The following PLA2G4D variants were observed in gnomAD, a reference collection of about 807,000 sequenced individuals.
PLA2G4D encodes phospholipase A2 group IVD, also known as cytosolic phospholipase A2 delta.
PLA2G4D carries 80 observed loss-of-function variants against 94.4 expected under a neutral mutation model. The ratio of observed to expected loss-of-function variants is 0.85; its 90% CI spans 0.71 to 1.02. The LOEUF is 1.02. PLA2G4D is among the 50% of genes least tolerant of loss of function. PLA2G4D has a pLI of 0.00. For synonymous variants in PLA2G4D, 438 were observed against 440.9 expected, an observed-to-expected ratio of 0.99 and a Z score of 0.08; for missense variants, 1,050 against 1,034.7, an observed-to-expected ratio of 1.01 and a Z score of -0.20.
Position 42,069,971 on chromosome 15 carries a change from TCGGG to T in PLA2G4D, c.2164_2167del (p.Pro722ArgfsTer49). 6.8e-7 allele frequency: 1 copy of T among 1,471,212 alleles called. No individual in the cohort carries two copies. Among genetic ancestry groups the T allele is most frequent in the Non-Finnish European group, 9.0e-7 (1 of 1,114,838 alleles). 91.1% of individuals were successfully genotyped at this position (1,471,212 alleles called of 1,614,324 possible). On this transcript the variant is annotated frameshift_variant, in exon 19 of 20. Coordinates refer to ENST00000290472, the MANE Select transcript of PLA2G4D (RefSeq NM_178034.4). LOFTEE classifies it high-confidence loss of function. ...CGGGAAGTGCAGCAGGATCGGGGCC[TCGGG>T]GCAGGCGGGGTCTGAGAAGAGGTGG...
chr15:42,090,878 C>A (rs935833433), intron 1 of PLA2G4D, among the ~76,000 whole-genome samples: 7 of 151,992 alleles, frequency 4.6e-5, no homozygotes, highest in Non-Finnish European at 1.0e-4. Context: ...AAAACACGTG[C>A]CCAGTAACAG....
At position 42,067,218 on chromosome 15, in the gene PLA2G4D, G is replaced by A. The variant is rs1889703041; in HGVS notation, c.*1497C>T. 6.6e-6 allele frequency: 1 copy of A among 152,266 alleles called. No homozygotes were observed. The highest frequency in any genetic ancestry group is 1.5e-5 in the Non-Finnish European group (1 of 68,050). 9.4% of individuals were successfully genotyped at this position (152,266 alleles called of 1,614,324 possible). A position where few individuals can be genotyped will look rare whatever the true frequency, so the allele number is the denominator to read the frequency against. On this transcript the variant is annotated 3_prime_UTR_variant, in exon 20 of 20. Transcript: ENST00000290472. ...TGTGTGTGTGTGTGTATGTGTACAC[G>A]CACCCTTGCATGAGGGAGGTAAGAA...
chr15:42,086,194 T>TGGGGGGGCCC lies in PLA2G4D; in HGVS notation c.387+18_387+19insGGGCCCCCCC. ...GGAAGAAGTGGGGCCCACGGGGACT[T>TGGGGGGGCCC]CCCCACCCACCCACCCACCTGGGGA... On this transcript the variant is annotated intron_variant, in intron 4 of 19. Transcript: ENST00000290472. 1.5e-5 allele frequency: 21 copies of TGGGGGGGCCC among 1,370,434 alleles called. No individual in the cohort carries two copies. Among genetic ancestry groups the TGGGGGGGCCC allele is most frequent in the African/African-American group, 3.1e-5 (2 of 64,356 alleles). The allele number at this position is 1,370,434 out of a possible 1,614,324, so 84.9% of individuals were successfully genotyped here.
intron 13 of PLA2G4D, among the ~76,000 whole-genome samples, chr15:42,075,200 A>T (rs182335839): frequency 9.2e-5 from 14 of 152,368 alleles, no homozygotes; most frequent in Admixed American, 3.3e-4. Context: ...GTGAACAATT[A>T]AAAAATGTCT....
rs1408626551 is a variant in PLA2G4D, at chr15:42,079,556, T to G, written c.1298A>C (p.Glu433Ala). 20 of 1,606,856 alleles carry G rather than the reference T, an allele frequency of 1.2e-5. No homozygotes were observed. The highest frequency in any genetic ancestry group is 1.7e-5 in the Non-Finnish European group (20 of 1,178,616). The change falls in exon 13 of 20, where the codon GAG (glutamate) becomes GCG (alanine). Residue 433 changes from glutamate to alanine, a missense_variant. Coordinates refer to ENST00000290472, the MANE Select transcript of PLA2G4D (RefSeq NM_178034.4). ...CCCTACCTGGCCGTGCAGCATGGAC[T>G]CCAGCACTAGCGCCCACAGGTCCAC... ...TFVDLWALVL[E>A]SMLHGQVMDQ...
Position 42,076,682 on chromosome 15 carries a change from C to T in PLA2G4D, c.1317+2855G>A, listed in dbSNP as rs540547707. Among the ~76,000 whole-genome samples, 25 of 152,264 alleles carry T rather than the reference C, an allele frequency of 1.6e-4. No individual in the cohort carries two copies. In the South Asian group the frequency reaches 4.6e-3, roughly 28 times the overall value. The stretch of plus-strand genomic sequence containing the variant: ...TATGATAAATGTTCCTTTCACACCC[C>T]ATAGTTAAACAAAACTTTAAAAGTC... On this transcript the variant is annotated intron_variant, in intron 13 of 19. Coordinates refer to ENST00000290472, the MANE Select transcript of PLA2G4D (RefSeq NM_178034.4).
chr15:42,069,872 G>A (rs1335849393), intron 19 of PLA2G4D, 37 bp downstream of exon 19: 3 of 1,376,816 alleles, frequency 2.2e-6, no homozygotes, highest in Non-Finnish European at 2.8e-6. Context: ...CCTCTGAGGG[G>A]CCAGGCAGCC....
In PLA2G4D at chr15:42,086,223, T is replaced by C; in HGVS notation, c.377A>G (p.Gln126Arg). ...CACCCACCCACCCACCTGGGGACTC[T>C]GGGAGAAGGTTTTCCGGAGCAGCTT... Reference protein sequence around the residue: ...PGKLLRKTFSQSPQGEEELDV... With the variant: ...PGKLLRKTFSRSPQGEEELDV... Residue 126 changes from glutamine (Q) to arginine (R), a missense_variant, in exon 4 of 20, where the codon CAG becomes CGG. Transcript: ENST00000290472. The C allele has an allele frequency of 1.2e-6, 1 of 833,828 alleles. No individual in the cohort carries two copies. The highest frequency in any genetic ancestry group is 1.7e-6 in the Non-Finnish European group (1 of 575,738). 51.7% of individuals were successfully genotyped at this position (833,828 alleles called of 1,614,324 possible).
rs999909538 is a variant in PLA2G4D, at chr15:42,079,692, C to T, written c.1162G>A (p.Ala388Thr). The T allele has an allele frequency of 1.2e-6, 2 of 1,612,418 alleles. No individual in the cohort carries two copies. The highest frequency in any genetic ancestry group is 2.7e-5 in the African/African-American group (2 of 74,778). Reference sequence around the variant, plus strand: ...TTGCTCTTGGCCAGGTGCTCCCGGGCGTATCTGATAGGTCCCTCCAGGTCC... The same window carrying T: ...TTGCTCTTGGCCAGGTGCTCCCGGGTGTATCTGATAGGTCCCTCCAGGTCC... ...QRDLEGPIRYAREHLAKSKLE... is the reference protein window; with the variant it reads ...QRDLEGPIRYTREHLAKSKLE... Residue 388 changes from alanine to threonine, a missense_variant, in exon 13 of 20, where the codon GCC becomes ACC. Transcript: ENST00000290472.
At chr15:42,090,100 T>C (rs943817731) in intron 1 of PLA2G4D, among the ~76,000 whole-genome samples, 21 of 152,222 alleles carry the variant, frequency 1.4e-4, no homozygotes, top group African/African-American at 5.1e-4. Context: ...AGCCAGGTTG[T>C]CTGGATTTAA....
At chr15:42,076,127 TCAGGAAGAGTC>T (rs913374065) in intron 13 of PLA2G4D, among the ~76,000 whole-genome samples, 252 of 152,178 alleles carry the variant, frequency 1.7e-3, no homozygotes, top group African/African-American at 5.9e-3. Context: ...AATAGGGCAC[TCAGGAAGAGTC>T]ACAGGAATAT....
At chr15:42,083,356 T>C (rs905613490) in intron 7 of PLA2G4D, 22 bp from the exon 8 acceptor site, 2 of 1,604,812 alleles carry the variant, frequency 1.2e-6, no homozygotes, top group Non-Finnish European at 1.7e-6. Context: ...GTAGGCGGGT[T>C]AGCATGAGAA....
At position 42,081,140 on chromosome 15, in the gene PLA2G4D, C is replaced by G. The variant is rs1477378356; in HGVS notation, c.958-7G>C. The G allele has an allele frequency of 6.2e-7, 1 of 1,612,000 alleles. No individual in the cohort carries two copies. ...TGATGCCCACAACGGGTACCTGGACCACACACAGACAGGCTGGATTAACAA... is the reference window on the plus strand; with the variant it reads ...TGATGCCCACAACGGGTACCTGGACGACACACAGACAGGCTGGATTAACAA... On this transcript the variant is annotated splice_region_variant and splice_polypyrimidine_tract_variant and intron_variant, in intron 11 of 19. Transcript: ENST00000290472.
Position 42,070,807 on chromosome 15 carries a change from G to T in PLA2G4D, c.1953C>A (p.Phe651Leu), listed in dbSNP as rs1025001317. The change falls in exon 18 of 20, where the codon TTC becomes TTA. Residue 651 changes from phenylalanine to leucine, a missense_variant. Coordinates refer to ENST00000290472, the MANE Select transcript of PLA2G4D (RefSeq NM_178034.4). The part of the protein sequence containing the change: ...PRLCLVDAAY[F>L]INTSSPSMFR... The stretch of plus-strand genomic sequence containing the variant: ...ACATGGAGGGAGAGCTGGTGTTGAT[G>T]AAGTAGGCGGCGTCCACCAGGCAGA... 1 of 1,608,750 alleles carries T rather than the reference G, an allele frequency of 6.2e-7. No homozygotes were observed. Among genetic ancestry groups the T allele is most frequent in the East Asian group, 2.2e-5 (1 of 44,762 alleles).
intron 5 of PLA2G4D, 108 bp from the exon 6 acceptor site, chr15:42,085,246 T>C: frequency 7.5e-7 from 1 of 1,339,336 alleles, no homozygotes; most frequent in Non-Finnish European, 1.1e-6. Context: ...AGTCCTGGAT[T>C]CGGTTCAGGG....
At chr15:42,077,268 G>C (rs749293505) in intron 13 of PLA2G4D, among the ~76,000 whole-genome samples, 22 of 152,072 alleles carry the variant, frequency 1.4e-4, no homozygotes, top group Non-Finnish European at 2.8e-4. Flanking sequence ...GCCAGATAAG[G>C]ACACAAACAA....
In PLA2G4D at chr15:42,069,655, G is replaced by T. The variant is rs944745811; in HGVS notation, c.2230+254C>A. ...GCAGCTGGGGGTACTAGGGCAAGTGGAAGGCTGCAGGAGCCCGGCATCATG... is the reference window on the plus strand; with the variant it reads ...GCAGCTGGGGGTACTAGGGCAAGTGTAAGGCTGCAGGAGCCCGGCATCATG... On this transcript the variant is annotated intron_variant, in intron 19 of 19. Coordinates refer to ENST00000290472, the MANE Select transcript of PLA2G4D (RefSeq NM_178034.4). 2.0e-5 allele frequency among the ~76,000 whole-genome samples: 3 copies of T among 152,050 alleles called. No individual in the cohort carries two copies. In the South Asian group the frequency reaches 6.2e-4, roughly 31 times the overall value.
At chr15:42,070,615 C>A in intron 18 of PLA2G4D, 102 bp downstream of exon 18, 1 of 1,347,934 alleles carries the variant, frequency 7.4e-7, no homozygotes, top group Non-Finnish European at 1.0e-6. Context: ...TCCTTCCCTT[C>A]GGGACCCCGG....
chr15:42,084,970 A>T lies in PLA2G4D; in HGVS notation c.471+126T>A. 9.4e-7 allele frequency: 1 copy of T among 1,064,002 alleles called. No individual in the cohort carries two copies. The allele number at this position is 1,064,002 out of a possible 1,614,324, so 65.9% of individuals were successfully genotyped here. A position where few individuals can be genotyped will look rare whatever the true frequency, so the allele number is the denominator to read the frequency against. On this transcript the variant is annotated intron_variant, in intron 6 of 19. Coordinates refer to ENST00000290472, the MANE Select transcript of PLA2G4D (RefSeq NM_178034.4). The surrounding 1 kb of genome is among the most constrained non-coding windows in gnomAD (Gnocchi z 4.8). The stretch of plus-strand genomic sequence containing the variant: ...CAGGTGACCACCTGGCTGGAAGGCT[A>T]GGGGTGGTTTTACCACGAAGCCCTG...
Sources: allele counts gnomAD v4.1 joint callset (sites outside exome capture counted in the v4.1 genomes callset), GRCh38; gene constraint gnomAD v4.1.1; non-coding constraint Gnocchi (gnomAD v3.1); transcripts MANE v1.5; gene names NCBI Gene and HGNC (gene_info 2026-07-23, HGNC 2026-07-21).